ZNF773: variants seen among roughly 807,000 people sequenced by gnomAD.
The protein encoded by ZNF773 is zinc finger protein 419B.
Under a neutral mutation model 12.8 loss-of-function variants are expected in ZNF773, and 11 were observed. The observed-to-expected ratio is 0.86, with a 90% CI of 0.54 to 1.42. The LOEUF (loss-of-function observed/expected upper bound fraction) is 1.42, where lower values mean the gene tolerates loss of function less well. ZNF773 is among the 40% of genes most tolerant of loss of function. The pLI, the probability that ZNF773 is intolerant of heterozygous loss-of-function variation, is 0.00. For synonymous variants in ZNF773, 175 were observed against 178.4 expected, an observed-to-expected ratio of 0.98 and a Z score of 0.15; for missense variants, 518 against 527.2, an observed-to-expected ratio of 0.98 and a Z score of 0.17.
intron 1 of ZNF773, among the ~76,000 whole-genome samples, chr19:57,500,341 G>T (rs1246599559): frequency 1.3e-5 from 2 of 151,268 alleles, no homozygotes; most frequent in Non-Finnish European, 2.9e-5. Flanking sequence ...TGGGCAGCTT[G>T]GGAAGGGACG....
Position 57,505,420 on chromosome 19 carries a change from C to G in ZNF773, c.262+20C>G. The G allele has an allele frequency of 6.2e-7, 1 of 1,613,822 alleles. No individual in the cohort carries two copies. Among genetic ancestry groups the G allele is most frequent in the Non-Finnish European group, 8.5e-7 (1 of 1,179,788 alleles). On this transcript the variant is annotated intron_variant, in intron 3 of 3. Coordinates refer to ENST00000282292, the MANE Select transcript of ZNF773 (RefSeq NM_198542.3). ...TGAGAGGTACTTGGTGGGTGGAGCTCAGGGAGGTATGAACTCGGGTATGGG... is the reference window on the plus strand; with the variant it reads ...TGAGAGGTACTTGGTGGGTGGAGCTGAGGGAGGTATGAACTCGGGTATGGG...
downstream of ZNF773, chr19:57,508,312 AG>A (rs2089769332): frequency 1.2e-6 from 1 of 844,170 alleles, no homozygotes; most frequent in South Asian, 5.3e-5. Context: ...CTCCAGAGAG[AG>A]GGAGCCCTGT....
chr19:57,511,451 A>G (rs1485035104), downstream of ZNF773, among the ~76,000 whole-genome samples: 2 of 152,340 alleles, frequency 1.3e-5, no homozygotes, highest in African/African-American at 4.8e-5. Context: ...AAGGACAGAC[A>G]TAGAGATGAA....
intron 1 of ZNF773, among the ~76,000 whole-genome samples, chr19:57,500,710 G>GTTTT (rs2089659860): frequency 6.6e-6 from 1 of 152,026 alleles, no homozygotes. Flanking sequence ...ATTTTTGTTT[G>GTTTT]TTCCTGAATA....
In ZNF773 at chr19:57,507,047, C is replaced by G; in HGVS notation, c.952C>G (p.Leu318Val). 6.2e-7 allele frequency: 1 copy of G among 1,614,216 alleles called. No individual in the cohort carries two copies. Among genetic ancestry groups the G allele is most frequent in the East Asian group, 2.2e-5 (1 of 44,890 alleles). The stretch of plus-strand genomic sequence containing the variant: ...AAAATTGTTTAGTTTCAACTCCAGC[C>G]TCATGAAACATCAGAGAGTTCACAC... ...CGKLFSFNSS[L>V]MKHQRVHTGE... is the part of the protein sequence containing the mutation. The change falls in exon 4 of 4, where the codon CTC becomes GTC. Residue 318 changes from leucine to valine, a missense_variant. Coordinates refer to ENST00000282292, the MANE Select transcript of ZNF773 (RefSeq NM_198542.3).
intron 1 of ZNF773, among the ~76,000 whole-genome samples, chr19:57,501,318 T>G (rs956434416): frequency 6.6e-6 from 1 of 150,928 alleles, no homozygotes; most frequent in Non-Finnish European, 1.5e-5. Flanking sequence ...TCTGCTCTTG[T>G]GATCTGCCCA....
downstream of ZNF773, among the ~76,000 whole-genome samples, chr19:57,509,390 G>A (rs2089778640): frequency 6.6e-6 from 1 of 152,212 alleles, no homozygotes; most frequent in African/African-American, 2.4e-5. Context: ...ATCCTAGCAA[G>A]CAGTGGCATT....
At chr19:57,510,510 C>A (rs2123279296), downstream of ZNF773, among the ~76,000 whole-genome samples, 1 of 152,242 alleles carries the variant, frequency 6.6e-6, no homozygotes, top group Non-Finnish European at 1.5e-5. Context: ...TTTATCACTT[C>A]TCATTAAAAA....
chr19:57,511,454 G>A (rs566545416), downstream of ZNF773, among the ~76,000 whole-genome samples: 9 of 152,316 alleles, frequency 5.9e-5, no homozygotes, highest in African/African-American at 2.2e-4. Context: ...GACAGACATA[G>A]AGATGAACAG....
intron 1 of ZNF773, among the ~76,000 whole-genome samples, chr19:57,504,429 G>A (rs902719807): frequency 2.6e-5 from 4 of 152,180 alleles, no homozygotes; most frequent in African/African-American, 9.7e-5. Flanking sequence ...CAAGAGAAGA[G>A]TAGGACTCTG....
intron 1 of ZNF773, among the ~76,000 whole-genome samples, chr19:57,501,697 C>A (rs947935048): frequency 2.6e-5 from 4 of 152,146 alleles, no homozygotes; most frequent in Non-Finnish European, 5.9e-5. Context: ...CCTTTGGTAA[C>A]ATCACTGTCT....
At chr19:57,518,059 C>T (rs2089841733), downstream of ZNF773, 1 of 153,694 alleles carries the variant, frequency 6.5e-6, no homozygotes, top group Non-Finnish European at 1.5e-5. Flanking sequence ...AATACAAAAA[C>T]AGAAAAGGGG....
At chr19:57,509,764 G>C (rs1418011486), downstream of ZNF773, among the ~76,000 whole-genome samples, 1 of 152,180 alleles carries the variant, frequency 6.6e-6, no homozygotes, top group East Asian at 1.9e-4. Flanking sequence ...CTTATTTTGA[G>C]TTGTTAGCAT....
chr19:57,517,345 G>A (rs1167966009), downstream of ZNF773: 1 of 152,056 alleles, frequency 6.6e-6, no homozygotes, highest in African/African-American at 2.4e-5. Flanking sequence ...CCGAGCCTTG[G>A]GAGGCCACCC....
chr19:57,510,652 T>G (rs1280337059), downstream of ZNF773, among the ~76,000 whole-genome samples: 1 of 151,986 alleles, frequency 6.6e-6, no homozygotes, highest in Non-Finnish European at 1.5e-5. Context: ...GGTCCTAAGA[T>G]AAAAAGGCCA....
chr19:57,511,574 T>G (rs914517531), downstream of ZNF773, among the ~76,000 whole-genome samples: 5 of 152,160 alleles, frequency 3.3e-5, no homozygotes, highest in Non-Finnish European at 1.5e-5. Context: ...GTAGCAGCTT[T>G]AAAGGTAGCA....
intron 1 of ZNF773, among the ~76,000 whole-genome samples, chr19:57,501,914 G>A (rs186751321): frequency 6.6e-6 from 1 of 152,198 alleles, no homozygotes; most frequent in Admixed American, 6.5e-5. Flanking sequence ...CATACAGTCA[G>A]GGTCCTGAGT....
downstream of ZNF773, chr19:57,516,163 T>G (rs777265620): frequency 6.4e-6 from 1 of 155,652 alleles, no homozygotes; most frequent in African/African-American, 2.4e-5. Context: ...GTACGAGCCA[T>G]GAGCTAGTTG....
At chr19:57,511,314 G>A (rs915219608), downstream of ZNF773, among the ~76,000 whole-genome samples, 5 of 152,082 alleles carry the variant, frequency 3.3e-5, no homozygotes, top group African/African-American at 1.2e-4. Context: ...GCCTCCCAAA[G>A]TGCTGGGATT....
Sources: gnomAD v4.1 joint callset for allele counts (sites outside exome capture counted in the v4.1 genomes callset) on GRCh38, gnomAD v4.1.1 for gene constraint, MANE v1.5 for transcripts, NCBI Gene and HGNC (gene_info 2026-07-23, HGNC 2026-07-21) for gene names.